Variants in ECHDC1 observed in about 807,000 individuals in gnomAD.
ECHDC1 encodes the protein ethylmalonyl-CoA decarboxylase.
ECHDC1 carries 29 observed loss-of-function variants against 29.7 expected under a neutral mutation model. The ratio of observed to expected loss-of-function variants is 0.98; its 90% CI spans 0.73 to 1.33. The LOEUF (loss-of-function observed/expected upper bound fraction) is 1.33. Ranked by LOEUF, ECHDC1 falls within the 40% of genes most tolerant of loss-of-function variation. The pLI, the probability that ECHDC1 is intolerant of heterozygous loss-of-function variation, is 0.00. For missense variants in ECHDC1, 328 were observed against 350.0 expected (o/e 0.94, Z 0.50); for synonymous variants, 126 against 123.1 (o/e 1.02, Z -0.15).
intron 5 of ECHDC1, among the ~76,000 whole-genome samples, chr6:127,304,978 AG>A (rs1253971123): frequency 6.6e-6 from 1 of 152,234 alleles, no homozygotes; most frequent in Non-Finnish European, 1.5e-5. Context: ...AGCAAGAGAC[AG>A]GGTTAGAAAG....
chr6:127,289,910 TTGCAGGCCCAC>T lies in ECHDC1; in HGVS notation c.854_864del (p.Gly285GlufsTer7), dbSNP rs780076345. 3 of 1,612,078 alleles carry T rather than the reference TTGCAGGCCCAC, an allele frequency of 1.9e-6. No individual in the cohort carries two copies. The highest frequency in any genetic ancestry group is 4.5e-5 in the East Asian group (2 of 44,862). ...CCTTTCTTAGCAATAGCCTCTAAATTTGCAGGCCCACCCCAAACTGTTCCTAAAAGATCTCT... is the reference window on the plus strand; with the variant it reads ...CCTTTCTTAGCAATAGCCTCTAAATTCCCAAACTGTTCCTAAAAGATCTCT... On this transcript the variant is annotated frameshift_variant, in exon 6 of 6. Transcript: ENST00000454859. LOFTEE classifies it high-confidence loss of function.
chr6:127,296,682 G>A (rs1266456822), intron 5 of ECHDC1, among the ~76,000 whole-genome samples: 1 of 152,014 alleles, frequency 6.6e-6, no homozygotes, highest in Admixed American at 6.6e-5. Flanking sequence ...TTTTTTAATG[G>A]TCCTTAAGAC....
chr6:127,308,007 TC>T lies in ECHDC1; in HGVS notation c.497+6808del, dbSNP rs529773545. Reference sequence around the variant, plus strand: ...GAGATTGAAGATGTAATAAAAAGTCTCCCAGTAAAGAAAAGCCCAGGATGCA... The same window carrying T: ...GAGATTGAAGATGTAATAAAAAGTCTCCAGTAAAGAAAAGCCCAGGATGCA... On this transcript the variant is annotated intron_variant, in intron 5 of 5. Transcript: ENST00000454859. Among the ~76,000 whole-genome samples, 279 of 152,104 alleles carry T rather than the reference TC, an allele frequency of 1.8e-3. 1 individual carries two copies. Among genetic ancestry groups the T allele is most frequent in the Non-Finnish European group, 3.0e-3 (204 of 68,002 alleles).
chr6:127,326,311 C>T (rs774178348), intron 3 of ECHDC1, among the ~76,000 whole-genome samples: 13 of 152,326 alleles, frequency 8.5e-5, no homozygotes, highest in South Asian at 2.1e-4. Flanking sequence ...GCTTGCTTCA[C>T]CTTTGCCTTC....
At chr6:127,334,150 T>C (rs1056475593) in intron 1 of ECHDC1, among the ~76,000 whole-genome samples, 4 of 152,184 alleles carry the variant, frequency 2.6e-5, no homozygotes, top group African/African-American at 7.2e-5. Flanking sequence ...CTCCTTAGTA[T>C]TGCCTAACAG....
At chr6:127,327,501 C>A (rs4141423) in intron 2 of ECHDC1, among the ~76,000 whole-genome samples, 59 of 151,986 alleles carry the variant, frequency 3.9e-4, no homozygotes, top group Non-Finnish European at 5.4e-4. Context: ...AAGACATAGA[C>A]CTGACTTCTC....
At chr6:127,335,137 A>T (rs1784321687) in intron 1 of ECHDC1, among the ~76,000 whole-genome samples, 1 of 152,152 alleles carries the variant, frequency 6.6e-6, no homozygotes, top group South Asian at 2.1e-4. Context: ...GACAGAGAAC[A>T]TATAAAGGTT....
intron 5 of ECHDC1, among the ~76,000 whole-genome samples, chr6:127,314,084 T>C (rs1246178868): frequency 2.0e-5 from 3 of 152,124 alleles, no homozygotes; most frequent in Non-Finnish European, 4.4e-5. Flanking sequence ...TTGTGCTATA[T>C]TTACTACCTT....
intron 5 of ECHDC1, among the ~76,000 whole-genome samples, chr6:127,312,425 C>G (rs1231631848): frequency 6.6e-6 from 1 of 152,084 alleles, no homozygotes; most frequent in Non-Finnish European, 1.5e-5. Flanking sequence ...TTGACAGTAC[C>G]ACATGTTGGT....
At chr6:127,306,069 CT>C (rs1186494334) in intron 5 of ECHDC1, among the ~76,000 whole-genome samples, 1 of 147,852 alleles carries the variant, frequency 6.8e-6, no homozygotes, top group Non-Finnish European at 1.5e-5. Context: ...CACATTTCAC[CT>C]ATAAAGACAC....
Position 127,341,186 on chromosome 6 carries a change from T to C in ECHDC1, c.-3+2150A>G, listed in dbSNP as rs79938587. 5.1e-3 allele frequency among the ~76,000 whole-genome samples: 781 copies of C among 152,310 alleles called. 4 individuals are homozygous for C. Among genetic ancestry groups the C allele is most frequent in the African/African-American group, 0.018 (745 of 41,562 alleles). On this transcript the variant is annotated intron_variant, in intron 1 of 5. Transcript: ENST00000454859. ...CACTACTGTCTCTCCTTTTCTCTCC[T>C]CCTCTTATATTCCTTGTCTGTGCCA... is the stretch of plus-strand genomic sequence containing the variant.
Position 127,290,088 on chromosome 6 carries a change from A to G in ECHDC1, c.687T>C (p.Ser229=), listed in dbSNP as rs775311548. 3 of 1,613,732 alleles carry G rather than the reference A, an allele frequency of 1.9e-6. No individual in the cohort carries two copies. The highest frequency in any genetic ancestry group is 2.5e-6 in the Non-Finnish European group (3 of 1,179,778). ...CTTCTAGAGATTTAGTTTCATCTGAAGACTGCAAGACCTCTTCAACCATTC... is the reference window on the plus strand; with the variant it reads ...CTTCTAGAGATTTAGTTTCATCTGAGGACTGCAAGACCTCTTCAACCATTC... ...NIGMVEEVLQ[S]SDETKSLEEA... Residue 229 remains serine (S), a synonymous_variant, in exon 6 of 6, where the codon TCT becomes TCC. Coordinates refer to ENST00000454859, the MANE Select transcript of ECHDC1 (RefSeq NM_001002030.2).
At chr6:127,336,892 A>G (rs554044150) in intron 1 of ECHDC1, among the ~76,000 whole-genome samples, 2 of 152,342 alleles carry the variant, frequency 1.3e-5, no homozygotes, top group South Asian at 4.1e-4. Flanking sequence ...TAGTGGAAGC[A>G]ACTTAAACTA....
In ECHDC1 at chr6:127,307,466, T is replaced by C. The variant is rs559861425; in HGVS notation, c.497+7350A>G. ...CAACATGGTGAAAGCCCATCTCTAC[T>C]AAAAATACAAAAATTAGCTGGGCAT... On this transcript the variant is annotated intron_variant, in intron 5 of 5. Coordinates refer to ENST00000454859, the MANE Select transcript of ECHDC1 (RefSeq NM_001002030.2). 1.3e-4 allele frequency among the ~76,000 whole-genome samples: 19 copies of C among 151,486 alleles called. No individual in the cohort carries two copies. In the South Asian group the frequency reaches 3.8e-3, roughly 30 times the overall value.
At chr6:127,342,056 G>A (rs1037117243) in intron 1 of ECHDC1, among the ~76,000 whole-genome samples, 1 of 152,154 alleles carries the variant, frequency 6.6e-6, no homozygotes, top group Non-Finnish European at 1.5e-5. Flanking sequence ...TCAAGCTTTC[G>A]CATATGCGAT....
chr6:127,322,121 C>A (rs1459032717), intron 3 of ECHDC1, among the ~76,000 whole-genome samples: 1 of 152,088 alleles, frequency 6.6e-6, no homozygotes, highest in African/African-American at 2.4e-5. Flanking sequence ...GCCTGACCAA[C>A]ATGGTGAAAC....
intron 5 of ECHDC1, among the ~76,000 whole-genome samples, chr6:127,292,438 A>G (rs1780270949): frequency 6.6e-6 from 1 of 151,984 alleles, no homozygotes; most frequent in African/African-American, 2.4e-5. Flanking sequence ...TATCTTTGTA[A>G]AAATACCTTT....
chr6:127,310,651 G>T (rs1479571533), intron 5 of ECHDC1, among the ~76,000 whole-genome samples: 1 of 152,194 alleles, frequency 6.6e-6, no homozygotes, highest in East Asian at 1.9e-4. Context: ...TGGTGAAGAT[G>T]CTGTGAACAC....
At chr6:127,296,464 T>C (rs562234925) in intron 5 of ECHDC1, among the ~76,000 whole-genome samples, 12 of 152,102 alleles carry the variant, frequency 7.9e-5, no homozygotes, top group East Asian at 3.9e-4. Context: ...CAGTGGACCA[T>C]GTTTTTTTAA....
Sources: allele counts gnomAD v4.1 joint callset (sites outside exome capture counted in the v4.1 genomes callset), GRCh38; gene constraint gnomAD v4.1.1; transcripts MANE v1.5; gene names NCBI Gene and HGNC (gene_info 2026-07-23, HGNC 2026-07-21).